The following PALM2AKAP2 variants were observed in gnomAD, a reference collection of about 807,000 sequenced individuals.
The protein encoded by PALM2AKAP2 is PALM2-AKAP2 fusion protein.
PALM2AKAP2 carries 37 observed loss-of-function variants against 71.5 expected under a neutral mutation model. The observed-to-expected ratio is 0.52, with a 90% CI of 0.40 to 0.68. The LOEUF is 0.68. PALM2AKAP2 is among the 30% of genes least tolerant of loss of function. PALM2AKAP2 has a pLI of 0.00. For synonymous variants in PALM2AKAP2, 468 were observed against 478.8 expected (o/e 0.98, Z 0.29); for missense variants, 1,224 against 1,191.8 (o/e 1.03, Z -0.40).
chr9:110,135,164 A>AAAATATATATATATATATATAT, intron 1 of PALM2AKAP2, among the ~76,000 whole-genome samples: 1 of 51,720 alleles, frequency 1.9e-5, no homozygotes, highest in African/African-American at 7.3e-5. Flanking sequence ...AAAAAAAAAA[A>AAAATATATATATATATATATAT]ATATATAAAT....
In PALM2AKAP2 at chr9:109,796,214, A is replaced by G. The variant is rs181071250; in HGVS notation, c.45+15681A>G. ...ATATTTAGGATTAAAAATATAACCAATGAAATTTATATATAGTCAGCAAAA... is the reference window on the plus strand; with the variant it reads ...ATATTTAGGATTAAAAATATAACCAGTGAAATTTATATATAGTCAGCAAAA... On this transcript the variant is annotated intron_variant, in intron 1 of 9. Coordinates refer to the PALM2AKAP2 transcript ENST00000302798. 8.6e-4 allele frequency among the ~76,000 whole-genome samples: 131 copies of G among 152,336 alleles called. 1 individual carries two copies. The highest frequency in any genetic ancestry group is 1.4e-3 in the Admixed American group (21 of 15,306).
intron 2 of PALM2AKAP2, among the ~76,000 whole-genome samples, chr9:110,149,727 G>C (rs959155571): frequency 3.9e-5 from 6 of 152,194 alleles, no homozygotes; most frequent in East Asian, 1.9e-4. Context: ...TGAGGCTAGA[G>C]AATCTCTTGA....
chr9:109,732,741 G>C (rs1828575099), intron 1 of PALM2AKAP2, among the ~76,000 whole-genome samples: 1 of 152,164 alleles, frequency 6.6e-6, no homozygotes, highest in African/African-American at 2.4e-5. Context: ...AGAAAGTCAG[G>C]GGAGGGGTTA....
In PALM2AKAP2 at chr9:110,074,741, G is replaced by A. The variant is rs146659187; in HGVS notation, c.156+25886G>A. On this transcript the variant is annotated intron_variant, in intron 1 of 3. Coordinates refer to ENST00000374525, the Ensembl canonical transcript of PALM2AKAP2. ...CCATAGGCTGGGTGTGGTGGTTCAC[G>A]CCCGTAATCCCAGCACATTGGGAGG... is the stretch of plus-strand genomic sequence containing the variant. Among the ~76,000 whole-genome samples, 123 of 152,232 alleles carry A rather than the reference G, an allele frequency of 8.1e-4. 1 individual carries two copies. In the East Asian group the frequency reaches 0.018, roughly 22 times the overall value.
chr9:109,871,922 C>A (rs958320427), intron 2 of PALM2AKAP2, among the ~76,000 whole-genome samples: 2 of 152,174 alleles, frequency 1.3e-5, no homozygotes, highest in Admixed American at 1.3e-4. Flanking sequence ...AATTTATTTA[C>A]AGACGAGGTA....
At chr9:110,128,154 C>A (rs981196118) in intron 1 of PALM2AKAP2, 9 of 152,340 alleles carry the variant, frequency 5.9e-5, no homozygotes, top group Non-Finnish European at 1.2e-4. Context: ...ATGTGGGCAT[C>A]TTTTAGGTTT....
At chr9:109,864,680 T>C (rs1373665670) in intron 1 of PALM2AKAP2, among the ~76,000 whole-genome samples, 2 of 152,236 alleles carry the variant, frequency 1.3e-5, no homozygotes, top group African/African-American at 4.8e-5. Flanking sequence ...GGACTGTTTT[T>C]GAACTACAAT....
chr9:109,929,431 T>C (rs1482319657), intron 5 of PALM2AKAP2, among the ~76,000 whole-genome samples: 1 of 152,112 alleles, frequency 6.6e-6, no homozygotes, highest in South Asian at 2.1e-4. Context: ...CCACGGACAA[T>C]TGTCACCCAC....
chr9:109,699,644 G>C (rs575650342), intron 1 of PALM2AKAP2, among the ~76,000 whole-genome samples: 78 of 152,200 alleles, frequency 5.1e-4, no homozygotes, highest in African/African-American at 1.7e-3. Context: ...AACCCAAATG[G>C]ACAGACAGAG....
At chr9:109,755,693 C>T (rs565439260) in intron 1 of PALM2AKAP2, among the ~76,000 whole-genome samples, 1 of 151,856 alleles carries the variant, frequency 6.6e-6, no homozygotes, top group East Asian at 1.9e-4. Context: ...GTCCCCAGCC[C>T]CCACCTCCAC....
chr9:110,015,087 G>T (rs898647243), intron 6 of PALM2AKAP2, among the ~76,000 whole-genome samples: 5 of 151,874 alleles, frequency 3.3e-5, no homozygotes, highest in African/African-American at 1.2e-4. Context: ...TTAGAAGAAA[G>T]AAACATTAGC....
chr9:109,757,755 G>A (rs574152337), intron 1 of PALM2AKAP2, among the ~76,000 whole-genome samples: 10 of 151,600 alleles, frequency 6.6e-5, no homozygotes, highest in Non-Finnish European at 1.3e-4. Context: ...ACATGCCAAG[G>A]TTCACCAAAA....
intron 1 of PALM2AKAP2, among the ~76,000 whole-genome samples, chr9:110,116,379 T>C (rs1835362542): frequency 6.6e-6 from 1 of 151,844 alleles, no homozygotes; most frequent in South Asian, 2.1e-4. Flanking sequence ...TGTGTGCGTG[T>C]GTGTGTGTGC....
chr9:110,071,056 T>C (rs182448270), intron 1 of PALM2AKAP2, among the ~76,000 whole-genome samples: 3 of 150,076 alleles, frequency 2.0e-5, no homozygotes, highest in Non-Finnish European at 3.0e-5. Flanking sequence ...CTCAGCTATG[T>C]GGGAGGCTGA....
At chr9:109,917,987 T>C (rs1050604910) in intron 3 of PALM2AKAP2, among the ~76,000 whole-genome samples, 1 of 152,138 alleles carries the variant, frequency 6.6e-6, no homozygotes, top group African/African-American at 2.4e-5. Flanking sequence ...AGAATAGATA[T>C]TGAGAAGACC....
chr9:109,767,400 C>T (rs1001984617), intron 1 of PALM2AKAP2, among the ~76,000 whole-genome samples: 1 of 152,338 alleles, frequency 6.6e-6, no homozygotes, highest in Admixed American at 6.5e-5. Context: ...GGGATTAGGG[C>T]GTGGGCATCT....
chr9:109,873,209 T>C (rs1461855258), intron 2 of PALM2AKAP2, among the ~76,000 whole-genome samples: 1 of 152,176 alleles, frequency 6.6e-6, no homozygotes, highest in Non-Finnish European at 1.5e-5. Flanking sequence ...ATGCCTGTAA[T>C]CCCAACACTT....
chr9:109,932,492 T>A (rs572703496), intron 6 of PALM2AKAP2, among the ~76,000 whole-genome samples: 60 of 152,354 alleles, frequency 3.9e-4, no homozygotes, highest in African/African-American at 1.4e-3. Context: ...TATTCCTAAG[T>A]CTTCCCATTT....
intron 1 of PALM2AKAP2, among the ~76,000 whole-genome samples, chr9:109,830,836 G>A (rs1225648394): frequency 6.6e-6 from 1 of 152,150 alleles, no homozygotes; most frequent in East Asian, 1.9e-4. Flanking sequence ...AGGTCACGCA[G>A]TCAGCATTGA....
Sources: gnomAD v4.1 joint callset for allele counts (sites outside exome capture counted in the v4.1 genomes callset) on GRCh38, gnomAD v4.1.1 for gene constraint, MANE v1.5 for transcripts, NCBI Gene and HGNC (gene_info 2026-07-23, HGNC 2026-07-21) for gene names.